Variants in CNOT1 observed in about 807,000 individuals in gnomAD.
The protein encoded by CNOT1 is CCR4-NOT transcription complex subunit 1.
Under a neutral mutation model 273.8 loss-of-function variants are expected in CNOT1, and 15 were observed. The ratio of observed to expected loss-of-function variants is 0.05; its 90% confidence interval spans 0.04 to 0.08. The LOEUF is 0.08. CNOT1 is among the 10% of genes least tolerant of loss of function. The pLI, the probability that CNOT1 is intolerant of heterozygous loss-of-function variation, is 1.00. For synonymous variants in CNOT1, 1,022 were observed against 1,005.5 expected, an observed-to-expected ratio of 1.02 and a Z score of -0.31; for missense variants, 1,644 against 2,912.2, an observed-to-expected ratio of 0.56 and a Z score of 10.02.
Position 58,580,887 on chromosome 16 carries a change from T to G in CNOT1, c.1216-127A>C, listed in dbSNP as rs914955444. The G allele has an allele frequency of 9.5e-6, 9 of 951,616 alleles. No homozygotes were observed. The African/African-American group carries it at 1.5e-4, about 16-fold the overall frequency. The allele number at this position is 951,616 out of a possible 1,614,324, so 58.9% of individuals were successfully genotyped here. A position where few individuals can be genotyped will look rare whatever the true frequency, so the allele number is the denominator to read the frequency against. ...GGCAATTTCCCGTTTAAAATCTTAA[T>G]TATTTGCCCTTTGAAAACCACACAT... On this transcript the variant is annotated intron_variant, in intron 11 of 48. Transcript: ENST00000317147.
chr16:58,618,800 T>C (rs2043191881), intron 1 of CNOT1, among the ~76,000 whole-genome samples: 1 of 152,208 alleles, frequency 6.6e-6, no homozygotes, highest in African/African-American at 2.4e-5. Flanking sequence ...TATATACACA[T>C]ATTAATCAAG....
intron 1 of CNOT1, among the ~76,000 whole-genome samples, chr16:58,605,733 C>T (rs1429952518): frequency 1.3e-5 from 2 of 152,144 alleles, no homozygotes; most frequent in Non-Finnish European, 1.5e-5. Context: ...GGCACAATCA[C>T]GGCTTACCGC....
intron 31 of CNOT1, chr16:58,543,029 G>T (rs1017345585): frequency 2.0e-6 from 2 of 1,003,900 alleles, no homozygotes; most frequent in African/African-American, 1.7e-5. Context: ...AGAGGTGGAG[G>T]ATGCAGTGAG....
intron 43 of CNOT1, 36 bp downstream of exon 43, chr16:58,530,209 CA>C (rs1488486867): frequency 6.0e-6 from 9 of 1,498,020 alleles, no homozygotes; most frequent in Admixed American, 5.3e-5. Flanking sequence ...CTTAAGATCT[CA>C]GTTATTTTAA....
chr16:58,579,854 C>A (rs959953887), intron 12 of CNOT1, among the ~76,000 whole-genome samples: 7 of 152,100 alleles, frequency 4.6e-5, no homozygotes, highest in African/African-American at 1.7e-4. Context: ...CCAGGCCGGA[C>A]TAAGATTCTA....
In CNOT1 at chr16:58,538,769, G is replaced by T. The variant is rs745347465; in HGVS notation, c.5135+3C>A. 3.1e-6 allele frequency: 5 copies of T among 1,611,994 alleles called. No homozygotes were observed. The highest frequency in any genetic ancestry group is 4.2e-6 in the Non-Finnish European group (5 of 1,179,912). ...TCACTACTTTTCGAAGATGGCTACT[G>T]ACCTTGTGATCTGTTTGTTGCACCA... On this transcript the variant is annotated splice_donor_region_variant and intron_variant, in intron 36 of 48. Coordinates refer to ENST00000317147, the MANE Select transcript of CNOT1 (RefSeq NM_016284.5).
At chr16:58,538,087 G>T (rs1172800354) in intron 37 of CNOT1, 27 bp from the exon 38 acceptor site, 1 of 1,614,028 alleles carries the variant, frequency 6.2e-7, no homozygotes, top group Non-Finnish European at 8.5e-7. Flanking sequence ...CATAATGTGA[G>T]AGGGAAAACA....
At chr16:58,609,523 G>A (rs1159072544) in intron 1 of CNOT1, among the ~76,000 whole-genome samples, 1 of 152,110 alleles carries the variant, frequency 6.6e-6, no homozygotes, top group Non-Finnish European at 1.5e-5. Flanking sequence ...GAGTGCAATG[G>A]CATGATCATG....
intron 35 of CNOT1, among the ~76,000 whole-genome samples, chr16:58,539,501 A>ACACACAGACACACC: frequency 6.6e-6 from 1 of 151,842 alleles, no homozygotes. Context: ...ACAGACACAC[A>ACACACAGACACACC]CACCCCTCTA....
Position 58,602,345 on chromosome 16 carries a change from A to G in CNOT1, c.-174-2834T>C, listed in dbSNP as rs935447559. 3.9e-5 allele frequency among the ~76,000 whole-genome samples: 6 copies of G among 152,194 alleles called. No individual in the cohort carries two copies. In the East Asian group the frequency reaches 9.7e-4, roughly 25 times the overall value. On this transcript the variant is annotated intron_variant, in intron 1 of 48. Coordinates refer to ENST00000317147, the MANE Select transcript of CNOT1 (RefSeq NM_016284.5). ...CTCAGCCTCCCAAAGTGTTGGGATT[A>G]TAAGAGTGAGCCACCGCATCTGGCC...
intron 19 of CNOT1, among the ~76,000 whole-genome samples, chr16:58,556,449 T>C (rs1401231293): frequency 6.6e-6 from 1 of 152,168 alleles, no homozygotes. Flanking sequence ...CTTCTATGAG[T>C]TTAGTTAGCA....
chr16:58,590,595 C>CAAAA (rs539552477), intron 2 of CNOT1, among the ~76,000 whole-genome samples: 1 of 135,820 alleles, frequency 7.4e-6, no homozygotes. Flanking sequence ...ACTCTGTCTC[C>CAAAA]AAAAAAAAAA....
intron 14 of CNOT1, among the ~76,000 whole-genome samples, chr16:58,575,720 A>G (rs909120324): frequency 1.3e-5 from 2 of 151,800 alleles, no homozygotes; most frequent in African/African-American, 2.4e-5. Context: ...AATCACTTGA[A>G]CCCGGGAGGC....
chr16:58,530,752 C>T (rs564039146), intron 42 of CNOT1: 1 of 151,672 alleles, frequency 6.6e-6, no homozygotes, highest in African/African-American at 2.5e-5. Flanking sequence ...GCACTGCACT[C>T]CAGCCTGGAC....
intron 1 of CNOT1, among the ~76,000 whole-genome samples, chr16:58,611,908 C>T (rs962447505): frequency 1.3e-4 from 20 of 152,084 alleles, no homozygotes; most frequent in African/African-American, 4.3e-4. Context: ...CCCCTCACAC[C>T]TACTTCTTTT....
rs752243577 is a variant in CNOT1 at position 58,599,222 on chromosome 16, G to A, written c.102+14C>T. On this transcript the variant is annotated intron_variant, in intron 2 of 48. Coordinates refer to ENST00000317147, the MANE Select transcript of CNOT1 (RefSeq NM_016284.5). The stretch of plus-strand genomic sequence containing the variant: ...TTCCTTTAATGGCACTTGTTTTCTG[G>A]CTAGTTTACTTACATGCTGTATTTC... 3.3e-5 allele frequency: 54 copies of A among 1,613,856 alleles called. No homozygotes were observed. The highest frequency in any genetic ancestry group is 4.5e-5 in the Non-Finnish European group (53 of 1,179,994).
Position 58,530,351 on chromosome 16 carries a change from A to C in CNOT1, c.6178-4T>G. ...GCTGTGCATACATAGGCCACCCCTG[A>C]AAGAAAGAAATGTACATGAGTCATA... On this transcript the variant is annotated splice_region_variant and splice_polypyrimidine_tract_variant and intron_variant, in intron 42 of 48. Transcript: ENST00000317147. 1 of 1,602,002 alleles carries C rather than the reference A, an allele frequency of 6.2e-7. No homozygotes were observed. The highest frequency in any genetic ancestry group is 8.5e-7 in the Non-Finnish European group (1 of 1,172,830).
Position 58,542,586 on chromosome 16 carries a change from TGGGGGGGTG to T in CNOT1, c.4435-27_4435-19del. The stretch of plus-strand genomic sequence containing the variant: ...GAAGCAGTCTATTAATGGAGGTGGG[TGGGGGGGTG>T]GGGGGAATAGAAGGAAAAAGACTTG... On this transcript the variant is annotated intron_variant, in intron 31 of 48. Coordinates refer to ENST00000317147, the MANE Select transcript of CNOT1 (RefSeq NM_016284.5). 8 of 52,968 alleles carry T rather than the reference TGGGGGGGTG, an allele frequency of 1.5e-4. No individual in the cohort carries two copies. The highest frequency in any genetic ancestry group is 6.8e-4 in the African/African-American group (1 of 1,460). The allele number at this position is 52,968 out of a possible 1,614,324, so 3.3% of individuals were successfully genotyped here.
At chr16:58,549,384 A>C (rs958471764) in intron 25 of CNOT1, among the ~76,000 whole-genome samples, 1 of 152,146 alleles carries the variant, frequency 6.6e-6, no homozygotes. Flanking sequence ...AGTGAAAAAA[A>C]AAGAAAAGGA....
Sources: gnomAD v4.1 joint callset for allele counts (sites outside exome capture counted in the v4.1 genomes callset) on GRCh38, gnomAD v4.1.1 for gene constraint, MANE v1.5 for transcripts, NCBI Gene and HGNC (gene_info 2026-07-23, HGNC 2026-07-21) for gene names.